The following UNK variants were observed in gnomAD, a reference collection of about 807,000 sequenced individuals.
UNK encodes unk zinc finger, also known as RING finger protein unkempt homolog.
Under a neutral mutation model 97.6 loss-of-function variants are expected in UNK, and 32 were observed. The ratio of observed to expected loss-of-function variants is 0.33; its 90% CI spans 0.25 to 0.44. UNK has a LOEUF of 0.44. UNK is among the 20% of genes least tolerant of loss of function. UNK has a pLI of 1.00. For missense variants in UNK, 771 were observed against 1,098.4 expected (o/e 0.70, Z 4.21); for synonymous variants, 441 against 461.2 (o/e 0.96, Z 0.56).
chr17:75,819,412 G>A lies in UNK; in HGVS notation c.1547-272G>A, dbSNP rs1293083947. ...ATCAGGGGACAAGACCCTTGTCCGA[G>A]GCAGGGACCCTGGATGGGGATGTGA... On this transcript the variant is annotated intron_variant, in intron 11 of 15. Transcript: ENST00000589666. This position sits in a 1 kb window ranked among gnomAD's most constrained non-coding sequence, Gnocchi z 5.4. Among the ~76,000 whole-genome samples, 1 of 152,208 alleles carries A rather than the reference G, an allele frequency of 6.6e-6. No homozygotes were observed. Among genetic ancestry groups the A allele is most frequent in the Non-Finnish European group, 1.5e-5 (1 of 68,046 alleles).
chr17:75,794,512 C>T (rs1315218303), intron 1 of UNK, among the ~76,000 whole-genome samples: 2 of 152,036 alleles, frequency 1.3e-5, no homozygotes, highest in African/African-American at 2.4e-5. Flanking sequence ...GTGGCGGGCA[C>T]CTGTAATCCC....
At position 75,825,580 on chromosome 17, in the gene UNK, CG is replaced by C. The variant is rs1567813752; in HGVS notation, c.*1166del. The C allele has an allele frequency of 1.3e-5, 2 of 152,252 alleles. No individual in the cohort carries two copies. Among genetic ancestry groups the C allele is most frequent in the Non-Finnish European group, 1.5e-5 (1 of 68,178 alleles). The allele number at this position is 152,252 out of a possible 1,614,324, so 9.4% of individuals were successfully genotyped here. On this transcript the variant is annotated 3_prime_UTR_variant, in exon 16 of 16. Coordinates refer to ENST00000589666, the MANE Select transcript of UNK (RefSeq NM_001080419.3). This position sits in a 1 kb window ranked among gnomAD's most constrained non-coding sequence, Gnocchi z 4.4. ...TGTACAGAGAGAGATGCAGCAGGGGCGGGAGGGCAGAGTGGGCGGAGGGGAG... is the reference window on the plus strand; with the variant it reads ...TGTACAGAGAGAGATGCAGCAGGGGCGGAGGGCAGAGTGGGCGGAGGGGAG...
chr17:75,802,532 G>A (rs1477150943), intron 1 of UNK, among the ~76,000 whole-genome samples: 2 of 151,978 alleles, frequency 1.3e-5, no homozygotes, highest in South Asian at 2.1e-4. Flanking sequence ...CTGGGATTAC[G>A]GGGATGAGCC....
In UNK at chr17:75,822,473, G is replaced by T. The variant is rs778378254; in HGVS notation, c.1838-4G>T. ...AGCTGATGTTCTTCCCCTCCTTGGGGCAGGTCTGAACGGGATGAACAGCAG... is the reference window on the plus strand; with the variant it reads ...AGCTGATGTTCTTCCCCTCCTTGGGTCAGGTCTGAACGGGATGAACAGCAG... On this transcript the variant is annotated splice_polypyrimidine_tract_variant and splice_region_variant and intron_variant, in intron 13 of 15. Transcript: ENST00000589666. The T allele has an allele frequency of 6.2e-7, 1 of 1,607,870 alleles. No homozygotes were observed.
chr17:75,807,832 G>A (rs55869641), intron 1 of UNK, among the ~76,000 whole-genome samples: 29,925 of 151,886 alleles, frequency 0.2, 3,311 homozygotes, highest in African/African-American at 0.3. Context: ...CAGGTGATCC[G>A]CCCGCCCCAG....
At position 75,814,446 on chromosome 17, in the gene UNK, C is replaced by T. The variant is rs141156222; in HGVS notation, c.876+568C>T. 7.2e-3 allele frequency among the ~76,000 whole-genome samples: 1,042 copies of T among 144,264 alleles called. 13 individuals are homozygous for T. Among genetic ancestry groups the T allele is most frequent in the African/African-American group, 0.026 (1,013 of 38,468 alleles). 94.6% of individuals were successfully genotyped at this position (144,264 alleles called of 152,430 possible). A position where few individuals can be genotyped will look rare whatever the true frequency, so the allele number is the denominator to read the frequency against. On this transcript the variant is annotated intron_variant, in intron 6 of 15. Transcript: ENST00000589666. ...GGCGGAAGTTGCAGTGAGCCAAGAT[C>T]GCACCACTGCACTCCAGCCTGGGTG...
intron 1 of UNK, among the ~76,000 whole-genome samples, chr17:75,788,913 A>AAT (rs1468407822): frequency 1.3e-5 from 2 of 152,226 alleles, no homozygotes; most frequent in African/African-American, 4.8e-5. Flanking sequence ...CTTGTGTGAT[A>AAT]ATTGAGTCTC....
intron 2 of UNK, among the ~76,000 whole-genome samples, chr17:75,811,755 G>A (rs1412135777): frequency 8.5e-5 from 13 of 152,196 alleles, no homozygotes; most frequent in Admixed American, 5.2e-4. Flanking sequence ...TTGGGAGGTT[G>A]AGGTGGGCAG....
chr17:75,787,448 G>A (rs1028866729), intron 1 of UNK, among the ~76,000 whole-genome samples: 4 of 151,196 alleles, frequency 2.6e-5, no homozygotes, highest in South Asian at 4.2e-4. Context: ...TCGAGCAGGC[G>A]CAAGCAATCT....
intron 1 of UNK, among the ~76,000 whole-genome samples, chr17:75,797,524 C>G (rs1455955714): frequency 6.6e-6 from 1 of 152,248 alleles, no homozygotes; most frequent in Non-Finnish European, 1.5e-5. Context: ...CATGAGCTAC[C>G]ACACCTGGCC....
chr17:75,798,654 G>C (rs946501319), intron 1 of UNK, among the ~76,000 whole-genome samples: 2 of 151,398 alleles, frequency 1.3e-5, no homozygotes, highest in African/African-American at 4.8e-5. Context: ...CCGATACCCA[G>C]CTTTTGTCAG....
chr17:75,817,558 G>A lies in UNK; in HGVS notation c.1305+32G>A. On this transcript the variant is annotated intron_variant, in intron 9 of 15. Transcript: ENST00000589666. This position sits in a 1 kb window ranked among gnomAD's most constrained non-coding sequence, Gnocchi z 5.8. The stretch of plus-strand genomic sequence containing the variant: ...GATGAGGGAGGCAGCAGTGAGGTTA[G>A]CCTTCTCCTGCGTGGGGCAAGAGAA... The A allele has an allele frequency of 6.4e-7, 1 of 1,558,756 alleles. No homozygotes were observed.
chr17:75,788,457 C>T (rs1019100113), intron 1 of UNK, among the ~76,000 whole-genome samples: 3 of 151,778 alleles, frequency 2.0e-5, no homozygotes, highest in East Asian at 1.9e-4. Flanking sequence ...GGATTACAGG[C>T]GTGAGCCACT....
chr17:75,816,935 G>T lies in UNK; in HGVS notation c.1104+23G>T. On this transcript the variant is annotated intron_variant, in intron 8 of 15. Coordinates refer to ENST00000589666, the MANE Select transcript of UNK (RefSeq NM_001080419.3). The surrounding 1 kb of genome is among the most constrained non-coding windows in gnomAD (Gnocchi z 4.0). The stretch of plus-strand genomic sequence containing the variant: ...GCCGTACGTGTCCATCCTGGGGAGT[G>T]GGTGGGCACCATGCCTGACAGAGCC... The T allele has an allele frequency of 1.3e-6, 2 of 1,589,890 alleles. No homozygotes were observed. Among genetic ancestry groups the T allele is most frequent in the Non-Finnish European group, 1.7e-6 (2 of 1,173,572 alleles).
chr17:75,812,671 C>T, intron 4 of UNK, 86 bp downstream of exon 4: 1 of 1,525,082 alleles, frequency 6.6e-7, no homozygotes, highest in Non-Finnish European at 8.8e-7. Flanking sequence ...CACCTACTGC[C>T]TGCTCTAGCC....
intron 1 of UNK, 25 bp downstream of exon 1, chr17:75,785,009 C>CGG: frequency 7.6e-7 from 1 of 1,314,094 alleles, no homozygotes; most frequent in Non-Finnish European, 9.8e-7. Flanking sequence ...CCCCCCCCCG[C>CGG]CGCGCGCGCA....
Position 75,809,868 on chromosome 17 carries a change from C to G in UNK, c.213C>G (p.Arg71=). 1 of 1,613,898 alleles carries G rather than the reference C, an allele frequency of 6.2e-7. No homozygotes were observed. The highest frequency in any genetic ancestry group is 8.5e-7 in the Non-Finnish European group (1 of 1,179,900). ...CFHWHFVNQR[R]RRSIRRRDGT... is the part of the protein sequence containing the mutation. ...ACTGGCACTTCGTGAACCAGCGGCG[C>G]CGCCGGTCCATCCGCCGTCGGGACG... Residue 71 remains arginine, a synonymous_variant, in exon 2 of 16, where the codon CGC becomes CGG. Coordinates refer to ENST00000589666, the MANE Select transcript of UNK (RefSeq NM_001080419.3).
intron 1 of UNK, among the ~76,000 whole-genome samples, chr17:75,799,831 G>A (rs2061839273): frequency 6.6e-6 from 1 of 152,090 alleles, no homozygotes; most frequent in African/African-American, 2.4e-5. Flanking sequence ...ATGTGATGGG[G>A]CATACCAACT....
Position 75,812,096 on chromosome 17 carries a change from C to A in UNK, c.315-16C>A, listed in dbSNP as rs1006886604. ...GCAGGCAGCAAAGTTGAGTGACCCCCACTACCGTGTTCCAGGTGCCCATTC... is the reference window on the plus strand; with the variant it reads ...GCAGGCAGCAAAGTTGAGTGACCCCAACTACCGTGTTCCAGGTGCCCATTC... On this transcript the variant is annotated splice_polypyrimidine_tract_variant and intron_variant, in intron 2 of 15. Transcript: ENST00000589666. The A allele has an allele frequency of 1.3e-6, 2 of 1,582,264 alleles. No individual in the cohort carries two copies. Among genetic ancestry groups the A allele is most frequent in the Non-Finnish European group, 1.7e-6 (2 of 1,160,660 alleles).
Sources: gnomAD v4.1 joint callset for allele counts (sites outside exome capture counted in the v4.1 genomes callset) on GRCh38, gnomAD v4.1.1 for gene constraint, Gnocchi (gnomAD v3.1) non-coding constraint, MANE v1.5 for transcripts, NCBI Gene and HGNC (gene_info 2026-07-23, HGNC 2026-07-21) for gene names.